The following MYO15B variants were observed in gnomAD, a reference collection of about 807,000 sequenced individuals.
The protein encoded by MYO15B is myosin XVB.
MYO15B carries 207 observed loss-of-function variants against 119.3 expected under a neutral mutation model. That is an observed-to-expected ratio of 1.73 (90% confidence interval 1.55 to 1.95). MYO15B has a LOEUF of 1.95. Among genes scored for constraint, MYO15B ranks in the 30% most tolerant of loss-of-function variants. The pLI is 0.00. For synonymous variants in MYO15B, 966 were observed against 498.9 expected, an observed-to-expected ratio of 1.94 and a Z score of -12.48; for missense variants, 2,264 against 1,203.1, an observed-to-expected ratio of 1.88 and a Z score of -13.04.
intron 62 of MYO15B, 44 bp from the exon 63 acceptor site, chr17:75,626,044 C>T: frequency 1.4e-6 from 1 of 697,886 alleles, no homozygotes; most frequent in South Asian, 1.5e-5. Flanking sequence ...CCACAATGAC[C>T]CCTCCCCGGA....
chr17:75,606,998 A>C (rs2057698695), intron 21 of MYO15B: 1 of 398,548 alleles, frequency 2.5e-6, no homozygotes. Flanking sequence ...CTTGGGCCAG[A>C]TGCTGGTGAC....
intron 45 of MYO15B, 92 bp downstream of exon 45, chr17:75,619,568 G>A (rs894371494): frequency 2.0e-5 from 14 of 683,082 alleles, no homozygotes; most frequent in Non-Finnish European, 2.9e-5. Context: ...GAGAGCCGGG[G>A]AGCAGACGCC....
rs761707269 is a variant in MYO15B, at chr17:75,626,392, C to A, written c.9214-15C>A. ...GGCTGGGGAGCCCTCTTGTAACAGG[C>A]CTTTCTCTGGGCAGGCCCAGGAGCT... is the stretch of plus-strand genomic sequence containing the variant. On this transcript the variant is annotated splice_polypyrimidine_tract_variant and intron_variant, in intron 63 of 63. Transcript: ENST00000645453. 4.3e-6 allele frequency: 3 copies of A among 703,092 alleles called. No individual in the cohort carries two copies. The highest frequency in any genetic ancestry group is 2.6e-6 in the Non-Finnish European group (1 of 385,006). 43.6% of individuals were successfully genotyped at this position (703,092 alleles called of 1,614,324 possible).
In MYO15B at chr17:75,594,778, G is replaced by A. The variant is rs1000687236; in HGVS notation, c.3164+19G>A. On this transcript the variant is annotated intron_variant, in intron 11 of 63. Coordinates refer to ENST00000645453, the Ensembl canonical transcript of MYO15B. ...ATGCCAGGTGGCCCTAGAGACGGGT[G>A]AGAGTCAGAGCAGGGCCCGAGGCAC... 1.4e-6 allele frequency: 1 copy of A among 702,908 alleles called. No individual in the cohort carries two copies. Among genetic ancestry groups the A allele is most frequent in the African/African-American group, 1.7e-5 (1 of 57,284 alleles). The allele number at this position is 702,908 out of a possible 1,614,324, so 43.5% of individuals were successfully genotyped here. A position where few individuals can be genotyped will look rare whatever the true frequency, so the allele number is the denominator to read the frequency against.
At chr17:75,595,076 GC>G (rs1231152927) in intron 12 of MYO15B, 104 bp downstream of exon 12, 22 of 644,494 alleles carry the variant, frequency 3.4e-5, no homozygotes, top group Middle Eastern at 7.2e-4. Context: ...CTCGCGAGGT[GC>G]TTGTCTGTCT....
chr17:75,615,427 C>A, intron 34 of MYO15B, 76 bp from the exon 35 acceptor site: 1 of 675,892 alleles, frequency 1.5e-6, no homozygotes, highest in Non-Finnish European at 2.7e-6. Flanking sequence ...TGCTAGGAGT[C>A]CCGAGTGCAC....
chr17:75,616,636 T>C (rs2058390586), exon 39 of MYO15B: 2 of 702,714 alleles, frequency 2.8e-6, no homozygotes, highest in Non-Finnish European at 5.2e-6. Flanking sequence ...CCAAGGGCCA[T>C]GGCCAAGGGC....
intron 14 of MYO15B, among the ~76,000 whole-genome samples, chr17:75,598,450 C>T (rs1376177315): frequency 2.1e-5 from 3 of 143,790 alleles, no homozygotes; most frequent in Admixed American, 7.1e-5. Context: ...TGATAGTGGG[C>T]GCCTGTAGTC....
At chr17:75,617,405 T>C (rs940960400) in intron 41 of MYO15B, 101 bp downstream of exon 41, 10 of 568,758 alleles carry the variant, frequency 1.8e-5, no homozygotes, top group Non-Finnish European at 2.8e-5. Context: ...TCTGCGTGGC[T>C]GAGGCCAGCT....
chr17:75,617,365 A>G, intron 41 of MYO15B, 61 bp downstream of exon 41: 1 of 572,842 alleles, frequency 1.7e-6, no homozygotes, highest in Non-Finnish European at 3.1e-6. Flanking sequence ...GGGTTCGCAC[A>G]GACTCTCGGT....
At chr17:75,625,737 G>A in intron 61 of MYO15B, 77 bp downstream of exon 61, 1 of 701,142 alleles carries the variant, frequency 1.4e-6, no homozygotes, top group Non-Finnish European at 2.6e-6. Context: ...GGGGCGAGGA[G>A]GGGTCTGCGC....
rs778506692 is a variant in MYO15B at position 75,619,350 on chromosome 17, G to T, written c.7064-8G>T. 2.8e-6 allele frequency: 2 copies of T among 702,524 alleles called. No homozygotes were observed. The highest frequency in any genetic ancestry group is 5.2e-6 in the Non-Finnish European group (2 of 384,920). The allele number at this position is 702,524 out of a possible 1,614,324, so 43.5% of individuals were successfully genotyped here. The stretch of plus-strand genomic sequence containing the variant: ...GCAGAGGGCAGCCTGGGTCCTTCCT[G>T]CCCACAGGAGGCTTGGAGGTGGACC... On this transcript the variant is annotated splice_polypyrimidine_tract_variant and splice_region_variant and intron_variant, in intron 44 of 63. Transcript: ENST00000645453.
At chr17:75,614,064 C>T (rs2058204080) in intron 29 of MYO15B, 135 bp from the exon 30 acceptor site, 3 of 619,894 alleles carry the variant, frequency 4.8e-6, no homozygotes, top group Admixed American at 2.5e-5. Context: ...CACTGCTGAG[C>T]AAACCTGGGT....
chr17:75,599,452 T>C (rs1225643704), intron 14 of MYO15B, among the ~76,000 whole-genome samples: 1 of 144,814 alleles, frequency 6.9e-6, no homozygotes, highest in Non-Finnish European at 1.6e-5. Context: ...TTTTTTTTTC[T>C]TTTTTTTTGT....
At chr17:75,613,021 G>C (rs1315411695) in exon 27 of MYO15B, 6 of 697,848 alleles carry the variant, frequency 8.6e-6, no homozygotes, top group Admixed American at 2.0e-5. Context: ...GGCAGAGGCA[G>C]ATCATGGGCG....
intron 12 of MYO15B, 72 bp from the exon 13 acceptor site, chr17:75,596,388 G>C (rs1488528026): frequency 2.9e-6 from 2 of 694,128 alleles, no homozygotes; most frequent in Non-Finnish European, 5.3e-6. Flanking sequence ...GCCCTGGCCA[G>C]AATGAAGGAA....
chr17:75,609,794 C>T (rs566384966), intron 21 of MYO15B, among the ~76,000 whole-genome samples: 1 of 151,252 alleles, frequency 6.6e-6, no homozygotes. Flanking sequence ...GAATCTCCAC[C>T]TCCCAGGTTC....
At chr17:75,601,253 G>A (rs2057262433) in intron 14 of MYO15B, among the ~76,000 whole-genome samples, 185 bp from the exon 15 acceptor site, 1 of 152,148 alleles carries the variant, frequency 6.6e-6, no homozygotes, top group African/African-American at 2.4e-5. Context: ...TGCCCAGGCT[G>A]ATCTCGAACT....
At position 75,589,261 on chromosome 17, in the gene MYO15B, G is replaced by A; in HGVS notation, c.1204G>A (p.Ala402Thr). ...CGAGGGGCAGGGTACCGGGCCACGG[G>A]CGAGCGAGGGGTGGGGCCGCCGGAA... Residue 402 changes from alanine (A) to threonine (T), a missense_variant, in exon 1 of 64, where the codon GCG becomes ACG. Ala to Thr is a moderately conservative substitution (Grantham distance 58). Transcript: ENST00000645453. This position sits in a 1 kb window ranked among gnomAD's most constrained non-coding sequence, Gnocchi z 4.2. 1 of 398,940 alleles carries A rather than the reference G, an allele frequency of 2.5e-6. No homozygotes were observed. The highest frequency in any genetic ancestry group is 4.4e-6 in the Non-Finnish European group (1 of 226,460). 24.7% of individuals were successfully genotyped at this position (398,940 alleles called of 1,614,324 possible).
Sources: gnomAD v4.1 joint callset for allele counts (sites outside exome capture counted in the v4.1 genomes callset) on GRCh38, gnomAD v4.1.1 for gene constraint, Gnocchi (gnomAD v3.1) non-coding constraint, MANE v1.5 for transcripts, NCBI Gene and HGNC (gene_info 2026-07-23, HGNC 2026-07-21) for gene names.